The following DNAJB1 variants were observed in gnomAD, a reference collection of about 807,000 sequenced individuals.
DNAJB1 encodes DnaJ heat shock protein family (Hsp40) member B1.
DNAJB1 carries 14 observed loss-of-function variants against 24.0 expected under a neutral mutation model. The observed-to-expected ratio is 0.58, with a 90% CI of 0.39 to 0.91. DNAJB1 has a LOEUF of 0.91. DNAJB1 is among the 40% of genes least tolerant of loss of function. The pLI is 0.00. For synonymous variants in DNAJB1, 262 were observed against 174.4 expected, an observed-to-expected ratio of 1.50 and a Z score of -3.96; for missense variants, 517 against 458.1, an observed-to-expected ratio of 1.13 and a Z score of -1.17.
At chr19:14,519,039 C>A (rs1335152833), upstream of DNAJB1, among the ~76,000 whole-genome samples, 3 of 152,188 alleles carry the variant, frequency 2.0e-5, no homozygotes, top group African/African-American at 7.2e-5. Flanking sequence ...TGGAGACCAG[C>A]CTAGGCAACA....
At position 14,516,483 on chromosome 19, in the gene DNAJB1, T is replaced by C. The variant is rs748486862; in HGVS notation, c.775A>G (p.Arg259Gly). The change falls in exon 2 of 3, where the codon AGG becomes GGG. Residue 259 changes from arginine to glycine, a missense_variant. Coordinates refer to ENST00000254322, the MANE Select transcript of DNAJB1 (RefSeq NM_006145.3). ...RDGSDVIYPA[R>G]ISLREALCGC... ...CACCTTACCTCCCGGAGGCTGATCC[T>C]GGCAGGATAAATGACATCAGAGCCA... is the stretch of plus-strand genomic sequence containing the variant. 21 of 1,612,238 alleles carry C rather than the reference T, an allele frequency of 1.3e-5. 1 individual carries two copies. The South Asian group carries it at 2.2e-4, about 17-fold the overall frequency.
chr19:14,518,465 C>T, upstream of DNAJB1: 1 of 810,334 alleles, frequency 1.2e-6, no homozygotes, highest in Non-Finnish European at 1.7e-6. Context: ...CAGCCCCCTC[C>T]AGAACCTTCC....
chr19:14,529,777 C>G (rs147268675), upstream of DNAJB1: 567 of 1,607,782 alleles, frequency 3.5e-4, 1 homozygote, highest in Middle Eastern at 2.5e-3. Context: ...CTTTGCGGGA[C>G]CACGGGACCC....
At chr19:14,535,543 AATATATATATATATATAT>A (rs747348455) in intron 1 of DNAJB1, among the ~76,000 whole-genome samples, 494 of 32,672 alleles carry the variant, frequency 0.015, 2 homozygotes, top group Middle Eastern at 0.042. Context: ...AAAAAAAAAA[AATATATATATATATATAT>A]ATATATATAT....
chr19:14,533,249 C>T (rs560356235), upstream of DNAJB1, among the ~76,000 whole-genome samples: 7 of 152,026 alleles, frequency 4.6e-5, no homozygotes, highest in South Asian at 2.1e-4. Context: ...GATGAAACTC[C>T]GTCTCTACAA....
chr19:14,529,844 A>T (rs2072552571), upstream of DNAJB1: 3 of 1,269,032 alleles, frequency 2.4e-6, no homozygotes, highest in Non-Finnish European at 3.4e-6. Context: ...GCAGTGGGCA[A>T]GCGTTGCGCC....
chr19:14,556,506 C>G (rs900324962), intron 1 of DNAJB1, among the ~76,000 whole-genome samples: 8 of 152,092 alleles, frequency 5.3e-5, no homozygotes, highest in African/African-American at 1.9e-4. Context: ...CTATGGCTAT[C>G]TGCCCCCACC....
At chr19:14,521,932 G>A (rs1029526037), upstream of DNAJB1, among the ~76,000 whole-genome samples, 3 of 151,868 alleles carry the variant, frequency 2.0e-5, no homozygotes, top group Non-Finnish European at 4.4e-5. Flanking sequence ...AGTTCGGGAA[G>A]TTTTAATTTT....
At chr19:14,530,161 G>C, upstream of DNAJB1, 1 of 199,922 alleles carries the variant, frequency 5.0e-6, no homozygotes, top group South Asian at 7.1e-5. Flanking sequence ...TCCCTCGCCC[G>C]GGACGTTCCC....
At chr19:14,534,693 T>TC (rs1396332703), upstream of DNAJB1, among the ~76,000 whole-genome samples, 3 of 152,120 alleles carry the variant, frequency 2.0e-5, no homozygotes, top group Non-Finnish European at 4.4e-5. Context: ...TGCCTTGGCA[T>TC]CCCAAAGTGC....
At chr19:14,543,061 C>G in intron 1 of DNAJB1, among the ~76,000 whole-genome samples, 1 of 123,140 alleles carries the variant, frequency 8.1e-6, no homozygotes, top group Non-Finnish European at 1.6e-5. Flanking sequence ...GGCTTGTCCT[C>G]AGGGTGGGGT....
upstream of DNAJB1, among the ~76,000 whole-genome samples, chr19:14,522,390 C>T (rs1389466556): frequency 6.8e-6 from 1 of 147,914 alleles, no homozygotes. Context: ...GAGGCTGAGG[C>T]AGGAGAATTA....
Position 14,516,108 on chromosome 19 carries a change from G to C in DNAJB1, c.855C>G (p.Phe285Leu). The change falls in exon 3 of 3, where the codon TTC becomes TTG. Residue 285 changes from phenylalanine (F) to leucine (L), a missense_variant. By Grantham distance (22) the Phe-to-Leu change is conservative. Transcript: ENST00000254322. ...GCATGCCAGGCCTGATAACATCTTT[G>C]AATACGACGGGTATCGTCCTGCCGT... ...TLDGRTIPVV[F>L]KDVIRPGMRR... 1.2e-6 allele frequency: 2 copies of C among 1,613,800 alleles called. No individual in the cohort carries two copies. The highest frequency in any genetic ancestry group is 1.7e-4 in the Middle Eastern group (1 of 6,058).
In DNAJB1 at chr19:14,548,600, C is replaced by T. The variant is rs73521817; in HGVS notation, c.-214+1608G>A. Among the ~76,000 whole-genome samples the T allele has an allele frequency of 4.8e-3, 732 of 152,188 alleles. 5 individuals are homozygous for T. The highest frequency in any genetic ancestry group is 0.017 in the Middle Eastern group (5 of 294). On this transcript the variant is annotated intron_variant, in intron 1 of 3. Transcript: ENST00000676982. ...TCGTCTCTTTTTTTTCTTTTAGAGA[C>T]GGAGTTTTGCACTGTCGCCCAGGCT... is the stretch of plus-strand genomic sequence containing the variant.
chr19:14,542,499 T>C (rs1371538739), intron 1 of DNAJB1, among the ~76,000 whole-genome samples: 8 of 151,508 alleles, frequency 5.3e-5, no homozygotes, highest in African/African-American at 1.9e-4. Context: ...GTAGCTGGGA[T>C]TACAGGCATC....
At chr19:14,537,133 A>C (rs1468008723) in intron 1 of DNAJB1, among the ~76,000 whole-genome samples, 3 of 121,446 alleles carry the variant, frequency 2.5e-5, no homozygotes, top group Non-Finnish European at 5.0e-5. Flanking sequence ...GTGGTTCCTG[A>C]GGATGAGGAG....
chr19:14,551,581 GGCCCAT>G, upstream of DNAJB1, among the ~76,000 whole-genome samples: 1 of 152,124 alleles, frequency 6.6e-6, no homozygotes, highest in South Asian at 2.1e-4. Flanking sequence ...TGCTTTTCTA[GGCCCAT>G]TGGCTGTCTT....
At chr19:14,548,909 G>A (rs1006571677) in intron 1 of DNAJB1, among the ~76,000 whole-genome samples, 66 of 152,044 alleles carry the variant, frequency 4.3e-4, no homozygotes, top group Admixed American at 2.6e-3. Context: ...ATACCACTGT[G>A]GCAGCCACAG....
intron 1 of DNAJB1, among the ~76,000 whole-genome samples, chr19:14,535,598 A>T (rs2072870045): frequency 1.0e-5 from 1 of 98,024 alleles, no homozygotes; most frequent in Non-Finnish European, 1.9e-5. Flanking sequence ...ATGTATGTAT[A>T]TATAAATTAG....
Sources: gnomAD v4.1 joint callset for allele counts (sites outside exome capture counted in the v4.1 genomes callset) on GRCh38, gnomAD v4.1.1 for gene constraint, MANE v1.5 for transcripts, NCBI Gene and HGNC (gene_info 2026-07-23, HGNC 2026-07-21) for gene names.